Variants in MAF observed in about 807,000 individuals in gnomAD.
MAF encodes the protein transcription factor Maf.
Under a neutral mutation model 22.0 loss-of-function variants are expected in MAF, and 10 were observed. The ratio of observed to expected loss-of-function variants is 0.45; its 90% CI spans 0.28 to 0.77. The LOEUF (loss-of-function observed/expected upper bound fraction) is 0.77. Ranked by LOEUF, MAF falls within the 30% of genes least tolerant of loss-of-function variation. The probability of loss-of-function intolerance (pLI) is 0.12; values close to 1 mark genes in which losing one functional copy is unlikely to be tolerated. For missense variants in MAF, 544 were observed against 548.4 expected, an observed-to-expected ratio of 0.99 and a Z score of 0.08; for synonymous variants, 337 against 255.8, an observed-to-expected ratio of 1.32 and a Z score of -3.03.
chr16:79,482,070 G>T, the MAF span, among the ~76,000 whole-genome samples: 66 of 152,112 alleles, frequency 4.3e-4, no homozygotes, highest in African/African-American at 1.6e-3. Context: ...GGCAAGAAAA[G>T]AAAAAGAGAT....
At chr16:79,596,973 C>T in intron 1 of MAF, 1 of 1,050,988 alleles carries the variant, frequency 9.5e-7, no homozygotes, top group Non-Finnish European at 1.1e-6. Context: ...AAAAAACATA[C>T]ATTTTTGAAT....
downstream of MAF, among the ~76,000 whole-genome samples, chr16:79,591,232 C>T (rs541932429): frequency 3.9e-5 from 6 of 152,234 alleles, no homozygotes; most frequent in South Asian, 4.2e-4. Flanking sequence ...ATTCAGAATG[C>T]GAATCACTGG....
the MAF span, among the ~76,000 whole-genome samples, chr16:79,257,137 A>T: frequency 2.0e-5 from 3 of 152,152 alleles, no homozygotes; most frequent in South Asian, 6.2e-4. Context: ...AGATCATGCC[A>T]CTGCACTCCA....
the MAF span, among the ~76,000 whole-genome samples, chr16:79,234,387 T>A: frequency 4.0e-5 from 6 of 151,886 alleles, no homozygotes; most frequent in Admixed American, 1.3e-4. Context: ...GTTCAATATC[T>A]TATAAAACAG....
the MAF span, among the ~76,000 whole-genome samples, chr16:79,308,384 G>T: frequency 1.3e-5 from 2 of 152,086 alleles, no homozygotes; most frequent in African/African-American, 4.8e-5. Flanking sequence ...TTGGCCTCTG[G>T]GAGGCACCTC....
chr16:79,526,837 T>C, the MAF span, among the ~76,000 whole-genome samples: 1 of 144,448 alleles, frequency 6.9e-6, no homozygotes, highest in Non-Finnish European at 1.6e-5. Context: ...TTACGATACA[T>C]GCAAATAATA....
chr16:79,322,163 G>A, the MAF span, among the ~76,000 whole-genome samples: 2 of 152,132 alleles, frequency 1.3e-5, no homozygotes, highest in Non-Finnish European at 2.9e-5. Flanking sequence ...ATCCCAGGAG[G>A]CGGAGGTTGC....
the MAF span, among the ~76,000 whole-genome samples, chr16:79,234,363 G>T: frequency 3.9e-5 from 6 of 152,082 alleles, no homozygotes; most frequent in Non-Finnish European, 8.8e-5. Flanking sequence ...TACACACGAT[G>T]ATAGAAGAAA....
the MAF span, among the ~76,000 whole-genome samples, chr16:79,433,679 C>T: frequency 6.6e-6 from 1 of 152,136 alleles, no homozygotes; most frequent in African/African-American, 2.4e-5. Flanking sequence ...TTACTGTTCT[C>T]AACTGACCGA....
At chr16:79,441,507 G>A in the MAF span, among the ~76,000 whole-genome samples, 277 of 152,304 alleles carry the variant, frequency 1.8e-3, 2 homozygotes, top group African/African-American at 6.2e-3. Context: ...TGGGGTGGCT[G>A]TATTTTAATA....
chr16:79,313,695 T>A, the MAF span, among the ~76,000 whole-genome samples: 1 of 152,122 alleles, frequency 6.6e-6, no homozygotes, highest in African/African-American at 2.4e-5. Flanking sequence ...TAGCCTTGCT[T>A]CTGTGGAACC....
the MAF span, among the ~76,000 whole-genome samples, chr16:79,334,613 G>C: frequency 6.6e-6 from 1 of 152,104 alleles, no homozygotes; most frequent in African/African-American, 2.4e-5. Context: ...AAATTCTTAG[G>C]ACTTTCAGGA....
At chr16:79,440,518 C>G in the MAF span, among the ~76,000 whole-genome samples, 610 of 152,294 alleles carry the variant, frequency 4.0e-3, 4 homozygotes, top group African/African-American at 0.014. Context: ...TCATTACAAC[C>G]TCTGCCTCCC....
the MAF span, among the ~76,000 whole-genome samples, chr16:79,303,340 C>T: frequency 2.7e-4 from 41 of 152,190 alleles, no homozygotes; most frequent in Admixed American, 6.5e-5. Flanking sequence ...AATAGCAGGG[C>T]TTATGATAGC....
the MAF span, among the ~76,000 whole-genome samples, chr16:79,302,569 C>T: frequency 6.6e-6 from 1 of 152,220 alleles, no homozygotes; most frequent in Admixed American, 6.5e-5. Context: ...GCTTCTTCTT[C>T]CAAGCACCTC....
the MAF span, among the ~76,000 whole-genome samples, chr16:79,397,888 C>T: frequency 5.3e-5 from 8 of 152,148 alleles, no homozygotes; most frequent in South Asian, 4.1e-4. Context: ...CCAAGGTGAC[C>T]AATAGGCCTG....
the MAF span, among the ~76,000 whole-genome samples, chr16:79,381,721 G>A: frequency 5.3e-5 from 8 of 152,158 alleles, no homozygotes; most frequent in Non-Finnish European, 7.4e-5. Flanking sequence ...ATTCCTTCTC[G>A]GTTACACTAT....
the MAF span, among the ~76,000 whole-genome samples, chr16:79,484,795 G>A: frequency 6.6e-6 from 1 of 152,204 alleles, no homozygotes; most frequent in Admixed American, 6.5e-5. Flanking sequence ...ATGTGTGCAT[G>A]TGCACGTGTG....
chr16:79,560,720 C>G, the MAF span, among the ~76,000 whole-genome samples: 36 of 152,102 alleles, frequency 2.4e-4, no homozygotes, highest in Non-Finnish European at 1.3e-4. Context: ...GCCTAGAAGT[C>G]ACTGGAAATT....
Sources: allele counts gnomAD v4.1 joint callset (sites outside exome capture counted in the v4.1 genomes callset), GRCh38; gene constraint gnomAD v4.1.1; transcripts MANE v1.5; gene names NCBI Gene and HGNC (gene_info 2026-07-23, HGNC 2026-07-21).